P3H2: variants seen among roughly 807,000 people sequenced by gnomAD.
P3H2 encodes leprecan-like 1.
Under a neutral mutation model 87.0 loss-of-function variants are expected in P3H2, and 80 were observed. The observed-to-expected ratio is 0.92, with a 90% CI of 0.77 to 1.11. The LOEUF is 1.11. P3H2 is among the 50% of genes least tolerant of loss of function. The pLI, the probability that P3H2 is intolerant of heterozygous loss-of-function variation, is 0.00. For missense variants in P3H2, 1,001 were observed against 923.9 expected, an observed-to-expected ratio of 1.08 and a Z score of -1.08; for synonymous variants, 367 against 359.3, an observed-to-expected ratio of 1.02 and a Z score of -0.24.
At chr3:190,049,890 C>G (rs1369138609) in intron 1 of P3H2, among the ~76,000 whole-genome samples, 1 of 152,002 alleles carries the variant, frequency 6.6e-6, no homozygotes, top group South Asian at 2.1e-4. Flanking sequence ...TTGGGAAATG[C>G]CGGGTTACAC....
At chr3:190,119,831 G>T (rs1032339013) in intron 1 of P3H2, among the ~76,000 whole-genome samples, 1 of 130,696 alleles carries the variant, frequency 7.7e-6, no homozygotes. Flanking sequence ...TACAGTATAG[G>T]AAGGATAAGA....
chr3:190,084,950 C>A (rs375933671), intron 1 of P3H2, among the ~76,000 whole-genome samples: 207 of 132,954 alleles, frequency 1.6e-3, no homozygotes, highest in African/African-American at 4.5e-3. Context: ...GAGAAACAAA[C>A]AAAAAAAAAA....
chr3:189,986,257 G>T (rs936564334), intron 6 of P3H2, among the ~76,000 whole-genome samples: 1 of 152,166 alleles, frequency 6.6e-6, no homozygotes, highest in East Asian at 1.9e-4. Flanking sequence ...TGTTAATATG[G>T]AATGACTGAT....
chr3:189,991,707 G>A (rs1723882653), intron 3 of P3H2, among the ~76,000 whole-genome samples: 1 of 152,232 alleles, frequency 6.6e-6, no homozygotes, highest in African/African-American at 2.4e-5. Flanking sequence ...GAGTGAGAGG[G>A]AGAGAGAGAA....
rs570415525 is a variant in P3H2, at chr3:189,956,925, C to T, written c.*987G>A. On this transcript the variant is annotated 3_prime_UTR_variant, in exon 15 of 15. Transcript: ENST00000319332. ...TCCTAGGCAACCTGGCCATGGTGCC[C>T]GGATGCAGGCAGTATTCAAGAGTTT... is the stretch of plus-strand genomic sequence containing the variant. The T allele has an allele frequency of 6.9e-5, 27 of 393,798 alleles. No individual in the cohort carries two copies. The South Asian group carries it at 1.4e-3, about 21-fold the overall frequency. 24.4% of individuals were successfully genotyped at this position (393,798 alleles called of 1,614,324 possible). A position where few individuals can be genotyped will look rare whatever the true frequency, so the allele number is the denominator to read the frequency against.
intron 1 of P3H2, among the ~76,000 whole-genome samples, chr3:190,065,705 C>T (rs1726475160): frequency 1.3e-5 from 2 of 152,138 alleles, no homozygotes; most frequent in African/African-American, 4.8e-5. Context: ...GTCATCATAT[C>T]TGCCTCTGTT....
intron 11 of P3H2, among the ~76,000 whole-genome samples, chr3:189,972,582 C>A (rs1723208684): frequency 6.6e-6 from 1 of 152,070 alleles, no homozygotes; most frequent in South Asian, 2.1e-4. Context: ...TTCCTGATTC[C>A]TCAAAATGGG....
chr3:190,088,832 T>C (rs2108984239), intron 1 of P3H2, among the ~76,000 whole-genome samples: 1 of 152,314 alleles, frequency 6.6e-6, no homozygotes, highest in East Asian at 1.9e-4. Flanking sequence ...TTGAAAACAG[T>C]TCCTGCAATA....
chr3:189,964,463 T>C (rs1184867527), intron 13 of P3H2, among the ~76,000 whole-genome samples: 3 of 152,360 alleles, frequency 2.0e-5, no homozygotes, highest in Non-Finnish European at 2.9e-5. Flanking sequence ...GGATACAAGG[T>C]AGGTGTCCAT....
chr3:189,974,149 T>C (rs1469426289), intron 9 of P3H2, 145 bp from the exon 10 acceptor site: 1 of 691,488 alleles, frequency 1.4e-6, no homozygotes, highest in East Asian at 2.7e-5. Context: ...GTATAACTAT[T>C]CTTTTAATTA....
chr3:190,006,003 G>T lies in P3H2; in HGVS notation c.481-10561C>A, dbSNP rs188127535. Among the ~76,000 whole-genome samples, 9 of 152,314 alleles carry T rather than the reference G, an allele frequency of 5.9e-5. No individual in the cohort carries two copies. The East Asian group carries it at 1.7e-3, about 29-fold the overall frequency. Reference sequence around the variant, plus strand: ...CAGCCACAGCAATAACCTTCAGGCTGTACAGTATATGAAATATCCCTACCA... The same window carrying T: ...CAGCCACAGCAATAACCTTCAGGCTTTACAGTATATGAAATATCCCTACCA... On this transcript the variant is annotated intron_variant, in intron 1 of 14. Transcript: ENST00000319332.
At chr3:189,973,516 T>C (rs1393076662) in intron 10 of P3H2, among the ~76,000 whole-genome samples, 1 of 63,950 alleles carries the variant, frequency 1.6e-5, no homozygotes, top group Non-Finnish European at 3.7e-5. Flanking sequence ...TCTTTCTTTT[T>C]TTTTTTTTTT....
chr3:189,983,209 T>C (rs1406087190), intron 7 of P3H2, 69 bp from the exon 8 acceptor site: 1 of 1,156,290 alleles, frequency 8.6e-7, no homozygotes, highest in South Asian at 1.2e-5. Flanking sequence ...AAAGAATACT[T>C]TACCAAGGTA....
intron 1 of P3H2, among the ~76,000 whole-genome samples, chr3:190,037,636 A>G (rs1725465937): frequency 1.3e-5 from 2 of 152,146 alleles, no homozygotes; most frequent in African/African-American, 4.8e-5. Flanking sequence ...CATGACTTTA[A>G]AGGTCATTTT....
chr3:190,035,939 T>C (rs1481226131), intron 1 of P3H2, among the ~76,000 whole-genome samples: 11 of 152,190 alleles, frequency 7.2e-5, no homozygotes, highest in African/African-American at 2.2e-4. Context: ...AGTTACTTAG[T>C]TTAAATTCTA....
intron 1 of P3H2, among the ~76,000 whole-genome samples, chr3:190,034,833 TTTTTC>T (rs1420350235): frequency 0.013 from 1,901 of 143,044 alleles, 42 homozygotes; most frequent in African/African-American, 0.047. Context: ...GCCAAATCGC[TTTTTC>T]TTTTCTTTTC....
At position 190,066,158 on chromosome 3, in the gene P3H2, TACACACAC is replaced by T. The variant is rs796289092; in HGVS notation, c.480+54086_480+54093del. The stretch of plus-strand genomic sequence containing the variant: ...ACTGTGGTGTGTATATATATATATA[TACACACAC>T]ACACACACACACATATATACACACA... On this transcript the variant is annotated intron_variant, in intron 1 of 14. Coordinates refer to ENST00000319332, the MANE Select transcript of P3H2 (RefSeq NM_018192.4). 2.5e-3 allele frequency among the ~76,000 whole-genome samples: 339 copies of T among 134,620 alleles called. 6 individuals are homozygous for T. The highest frequency in any genetic ancestry group is 0.01 in the African/African-American group (325 of 32,230). 88.3% of individuals were successfully genotyped at this position (134,620 alleles called of 152,430 possible).
chr3:190,069,229 G>C (rs1159389892), intron 1 of P3H2, among the ~76,000 whole-genome samples: 1 of 152,158 alleles, frequency 6.6e-6, no homozygotes, highest in Non-Finnish European at 1.5e-5. Context: ...AATCTATGAT[G>C]ACACAGTCTT....
intron 14 of P3H2, among the ~76,000 whole-genome samples, chr3:189,961,062 T>G (rs1560336393): frequency 6.6e-6 from 1 of 151,956 alleles, no homozygotes. Context: ...TGCCTCAGCC[T>G]CCCCAGTAGC....
Sources: gnomAD v4.1 joint callset for allele counts (sites outside exome capture counted in the v4.1 genomes callset) on GRCh38, gnomAD v4.1.1 for gene constraint, MANE v1.5 for transcripts, NCBI Gene and HGNC (gene_info 2026-07-23, HGNC 2026-07-21) for gene names.